The following MAP2 variants were observed in gnomAD, a reference collection of about 807,000 sequenced individuals.
MAP2 encodes the protein microtubule associated protein 2.
A neutral mutation model predicts 137.6 loss-of-function variants in MAP2; 14 were observed. The observed-to-expected ratio is 0.10, with a 90% CI of 0.07 to 0.16. The LOEUF (loss-of-function observed/expected upper bound fraction) is 0.16, where lower values mean the gene tolerates loss of function less well. Among genes scored for constraint, MAP2 ranks in the 10% least tolerant of loss-of-function variants. The pLI, the probability that MAP2 is intolerant of heterozygous loss-of-function variation, is 1.00. For synonymous variants in MAP2, 786 were observed against 782.3 expected (o/e 1.00, Z -0.08); for missense variants, 2,088 against 2,191.5 (o/e 0.95, Z 0.94).
chr2:209,431,381 A>G (rs1412540875), intron 1 of MAP2, among the ~76,000 whole-genome samples: 1 of 152,216 alleles, frequency 6.6e-6, no homozygotes, highest in Non-Finnish European at 1.5e-5. Flanking sequence ...ATGCTATTAA[A>G]TGCATTCTTT....
chr2:209,533,247 C>T (rs575298325), intron 2 of MAP2, among the ~76,000 whole-genome samples: 6 of 152,214 alleles, frequency 3.9e-5, no homozygotes, highest in Admixed American at 6.5e-5. Context: ...CAGGTTCAAG[C>T]GATTCTCCTG....
At chr2:209,651,366 A>G (rs1439020804) in intron 4 of MAP2, among the ~76,000 whole-genome samples, 2 of 152,274 alleles carry the variant, frequency 1.3e-5, no homozygotes, top group African/African-American at 4.8e-5. Flanking sequence ...AGTAACTCTC[A>G]TTATTGTACT....
At chr2:209,528,701 A>G (rs2064490093) in intron 2 of MAP2, among the ~76,000 whole-genome samples, 1 of 151,480 alleles carries the variant, frequency 6.6e-6, no homozygotes, top group Non-Finnish European at 1.5e-5. Flanking sequence ...TCATCTTAGG[A>G]CTATATATAT....
chr2:209,659,365 G>A (rs2042356708), intron 5 of MAP2, among the ~76,000 whole-genome samples: 2 of 152,126 alleles, frequency 1.3e-5, no homozygotes, highest in East Asian at 3.9e-4. Context: ...TGATGTGATT[G>A]AAAGCTGGAA....
At chr2:209,615,855 A>G (rs1290895703) in intron 3 of MAP2, among the ~76,000 whole-genome samples, 1 of 152,116 alleles carries the variant, frequency 6.6e-6, no homozygotes, top group African/African-American at 2.4e-5. Context: ...TGATTTTTCT[A>G]TGCTATCATG....
chr2:209,696,120 C>A lies in MAP2; in HGVS notation c.3950C>A (p.Pro1317His). 1 of 1,613,486 alleles carries A rather than the reference C, an allele frequency of 6.2e-7. No homozygotes were observed. Among genetic ancestry groups the A allele is most frequent in the African/African-American group, 1.3e-5 (1 of 74,984 alleles). ...GTGCGTTTTGCAGCCCTAGAGCAGC[C>A]TGAGGTGGAAAGGAGACCATCTCCT... is the stretch of plus-strand genomic sequence containing the variant. ...HSVRFAALEQ[P>H]EVERRPSPHD... The change falls in exon 8 of 16, where the codon CCT becomes CAT. Residue 1317 changes from proline (P) to histidine (H), a missense_variant. Pro to His is a moderately conservative substitution (Grantham distance 77). Transcript: ENST00000682079.
At chr2:209,487,267 C>T (rs2058507310) in intron 1 of MAP2, among the ~76,000 whole-genome samples, 1 of 152,086 alleles carries the variant, frequency 6.6e-6, no homozygotes, top group South Asian at 2.1e-4. Context: ...GTGGAATGCT[C>T]CGTTTTCGCT....
chr2:209,473,191 G>A (rs1305844510), intron 1 of MAP2, among the ~76,000 whole-genome samples: 1 of 152,040 alleles, frequency 6.6e-6, no homozygotes, highest in Admixed American at 6.6e-5. Flanking sequence ...AGCATTCCTG[G>A]AACCAAGTTT....
At chr2:209,449,966 A>G (rs1460879757) in intron 1 of MAP2, among the ~76,000 whole-genome samples, 1 of 152,052 alleles carries the variant, frequency 6.6e-6, no homozygotes, top group Admixed American at 6.6e-5. Context: ...TTTGAGACAA[A>G]GTTTCACTCT....
At chr2:209,500,675 C>G (rs1387690449) in intron 1 of MAP2, among the ~76,000 whole-genome samples, 1 of 151,952 alleles carries the variant, frequency 6.6e-6, no homozygotes, top group Non-Finnish European at 1.5e-5. Context: ...TAAGTGAACT[C>G]TTTAAGGTTA....
At chr2:209,623,461 C>T (rs2091689329) in intron 3 of MAP2, among the ~76,000 whole-genome samples, 1 of 151,860 alleles carries the variant, frequency 6.6e-6, no homozygotes, top group Non-Finnish European at 1.5e-5. Flanking sequence ...AGATGAAGCA[C>T]AAAAAACAAG....
intron 1 of MAP2, among the ~76,000 whole-genome samples, chr2:209,486,595 T>G (rs190227867): frequency 6.6e-6 from 1 of 152,212 alleles, no homozygotes; most frequent in African/African-American, 2.4e-5. Flanking sequence ...AAACATTCTA[T>G]TTAGGTGTTC....
At chr2:209,600,053 AT>A (rs1187437099) in intron 3 of MAP2, among the ~76,000 whole-genome samples, 1 of 152,232 alleles carries the variant, frequency 6.6e-6, no homozygotes, top group Non-Finnish European at 1.5e-5. Context: ...GTAAAGTTTG[AT>A]AAAGACAAAG....
intron 1 of MAP2, among the ~76,000 whole-genome samples, chr2:209,456,703 A>G (rs1236468558): frequency 6.6e-6 from 1 of 152,226 alleles, no homozygotes; most frequent in East Asian, 1.9e-4. Flanking sequence ...CACTGTGATC[A>G]CATGTTAACA....
chr2:209,600,696 C>T (rs1189838550), intron 3 of MAP2, among the ~76,000 whole-genome samples: 1 of 152,178 alleles, frequency 6.6e-6, no homozygotes, highest in East Asian at 1.9e-4. Context: ...CTATTAAGGG[C>T]AAACCTCCTT....
chr2:209,448,843 G>A (rs1229350658), intron 1 of MAP2, among the ~76,000 whole-genome samples: 1 of 152,086 alleles, frequency 6.6e-6, no homozygotes, highest in Non-Finnish European at 1.5e-5. Context: ...TTCCAAATAA[G>A]GTAACGTTCA....
At chr2:209,499,832 T>A (rs1403534942) in intron 1 of MAP2, among the ~76,000 whole-genome samples, 1 of 152,140 alleles carries the variant, frequency 6.6e-6, no homozygotes. Context: ...TTTAAGTGAC[T>A]GGATTTTGTG....
intron 1 of MAP2, among the ~76,000 whole-genome samples, chr2:209,500,852 T>C (rs2060287213): frequency 2.6e-5 from 4 of 151,874 alleles, no homozygotes; most frequent in African/African-American, 9.7e-5. Flanking sequence ...CTGTACAACA[T>C]AGGGAAACTC....
At chr2:209,448,476 G>T (rs1559174296) in intron 1 of MAP2, among the ~76,000 whole-genome samples, 1 of 152,076 alleles carries the variant, frequency 6.6e-6, no homozygotes, top group Non-Finnish European at 1.5e-5. Context: ...ATTTCTTGTA[G>T]CTGCCATAAG....
Sources: gnomAD v4.1 joint callset for allele counts (sites outside exome capture counted in the v4.1 genomes callset) on GRCh38, gnomAD v4.1.1 for gene constraint, MANE v1.5 for transcripts, NCBI Gene and HGNC (gene_info 2026-07-23, HGNC 2026-07-21) for gene names.